Variants in EXOC4 observed in about 807,000 individuals in gnomAD.
EXOC4 encodes SEC8-like 1.
In EXOC4, 71 loss-of-function variants were observed where a neutral mutation model predicts 107.2. The observed-to-expected ratio is 0.66, with a 90% CI of 0.55 to 0.81. The LOEUF (loss-of-function observed/expected upper bound fraction) is 0.81. Ranked by LOEUF, EXOC4 falls within the 30% of genes least tolerant of loss-of-function variation. The pLI, the probability that EXOC4 is intolerant of heterozygous loss-of-function variation, is 0.00. For missense variants in EXOC4, 1,108 were observed against 1,189.6 expected (o/e 0.93, Z 1.01); for synonymous variants, 456 against 441.2 (o/e 1.03, Z -0.42).
At chr7:133,514,590 C>T (rs749372453) in intron 9 of EXOC4, among the ~76,000 whole-genome samples, 2 of 152,140 alleles carry the variant, frequency 1.3e-5, no homozygotes, top group African/African-American at 4.8e-5. Context: ...TAGATAACCC[C>T]TTCAGTATCT....
At chr7:133,857,097 T>C (rs1399041440) in intron 11 of EXOC4, among the ~76,000 whole-genome samples, 1 of 107,974 alleles carries the variant, frequency 9.3e-6, no homozygotes, top group African/African-American at 3.9e-5. Flanking sequence ...ACTCCGTCTT[T>C]ATATATATAT....
intron 9 of EXOC4, 199 bp downstream of exon 9, chr7:133,480,337 A>T (rs1262902517): frequency 2.1e-6 from 3 of 1,396,530 alleles, no homozygotes; most frequent in Non-Finnish European, 2.8e-6. Flanking sequence ...GGACTTGTAG[A>T]CCTGCTACTG....
intron 9 of EXOC4, among the ~76,000 whole-genome samples, chr7:133,562,906 T>C (rs1800836855): frequency 2.0e-5 from 3 of 152,360 alleles, no homozygotes; most frequent in South Asian, 4.1e-4. Flanking sequence ...AATACTATCC[T>C]AATTAATTTT....
chr7:133,360,982 G>A (rs1251211395), intron 6 of EXOC4, among the ~76,000 whole-genome samples: 2 of 152,156 alleles, frequency 1.3e-5, no homozygotes, highest in South Asian at 4.1e-4. Flanking sequence ...TAGAATGGAA[G>A]AGAAGAGAGC....
chr7:133,713,382 A>G (rs1794934601), intron 10 of EXOC4, among the ~76,000 whole-genome samples: 1 of 152,122 alleles, frequency 6.6e-6, no homozygotes, highest in South Asian at 2.1e-4. Context: ...TTTTTTTCAC[A>G]AAGTTACATA....
intron 17 of EXOC4, among the ~76,000 whole-genome samples, chr7:134,044,572 G>A (rs1175826016): frequency 2.6e-5 from 4 of 152,156 alleles, no homozygotes; most frequent in Non-Finnish European, 4.4e-5. Context: ...CTAGAACAGC[G>A]TCAACTCAAC....
chr7:133,347,508 C>T (rs908503108), intron 5 of EXOC4, among the ~76,000 whole-genome samples: 5 of 152,172 alleles, frequency 3.3e-5, no homozygotes, highest in Admixed American at 2.6e-4. Flanking sequence ...TCCCAAAGTG[C>T]TGGGATTACA....
chr7:133,443,340 C>A (rs147940337), intron 7 of EXOC4, among the ~76,000 whole-genome samples: 58 of 152,254 alleles, frequency 3.8e-4, no homozygotes, highest in African/African-American at 1.1e-3. Context: ...ACACACCTGC[C>A]TCTTGGTAAA....
intron 13 of EXOC4, among the ~76,000 whole-genome samples, chr7:133,920,412 T>C (rs1453226563): frequency 6.6e-6 from 1 of 152,254 alleles, no homozygotes; most frequent in Admixed American, 6.5e-5. Context: ...TGTCTTCTCT[T>C]GTTTTAATTA....
intron 11 of EXOC4, among the ~76,000 whole-genome samples, chr7:133,847,686 G>A (rs372516748): frequency 6.7e-6 from 1 of 150,016 alleles, no homozygotes; most frequent in South Asian, 2.1e-4. Flanking sequence ...TGCCCGGCCC[G>A]GTTAGGATTC....
intron 7 of EXOC4, among the ~76,000 whole-genome samples, chr7:133,433,998 T>C (rs929393779): frequency 1.3e-5 from 2 of 152,320 alleles, no homozygotes; most frequent in South Asian, 4.1e-4. Flanking sequence ...GTATCTTTAA[T>C]TATGGAAGGA....
rs1795079245 is a variant in EXOC4 at position 134,023,881 on chromosome 7, AGAT to A, written c.2687+16052_2687+16054del. 3.9e-5 allele frequency among the ~76,000 whole-genome samples: 6 copies of A among 152,300 alleles called. No individual in the cohort carries two copies. The South Asian group carries it at 1.2e-3, about 32-fold the overall frequency. On this transcript the variant is annotated intron_variant, in intron 17 of 17. Coordinates refer to ENST00000253861, the MANE Select transcript of EXOC4 (RefSeq NM_021807.4). ...GGGTAAAACAAAAGAAGACCCAAGA[AGAT>A]GATGAAGGAGGATTTTAGCACAGTC...
At chr7:133,390,210 G>GT (rs1228415764) in intron 7 of EXOC4, among the ~76,000 whole-genome samples, 1 of 152,192 alleles carries the variant, frequency 6.6e-6, no homozygotes, top group African/African-American at 2.4e-5. Context: ...TCAGAAACTC[G>GT]TGAGTGAACT....
intron 14 of EXOC4, among the ~76,000 whole-genome samples, chr7:133,973,330 C>G (rs928270558): frequency 1.3e-5 from 2 of 152,136 alleles, no homozygotes; most frequent in Admixed American, 1.3e-4. Flanking sequence ...GGCACCTGAT[C>G]TGTGTCTTGA....
intron 9 of EXOC4, among the ~76,000 whole-genome samples, chr7:133,523,376 T>A (rs1472111471): frequency 6.6e-6 from 1 of 152,164 alleles, no homozygotes; most frequent in Non-Finnish European, 1.5e-5. Flanking sequence ...CAAAGTATGT[T>A]CACAGGTGTT....
At chr7:134,077,801 G>A in the EXOC4 span, among the ~76,000 whole-genome samples, 1 of 152,236 alleles carries the variant, frequency 6.6e-6, no homozygotes, top group Non-Finnish European at 1.5e-5. Flanking sequence ...TCACTATGGT[G>A]CCCAGGCAGC....
chr7:133,813,559 A>G (rs1317934455), intron 10 of EXOC4, among the ~76,000 whole-genome samples: 2 of 152,176 alleles, frequency 1.3e-5, no homozygotes, highest in Non-Finnish European at 2.9e-5. Context: ...TGGGAGTTAG[A>G]TGAGAACAGA....
chr7:133,395,626 A>G (rs1218113816), intron 7 of EXOC4, among the ~76,000 whole-genome samples: 1 of 152,260 alleles, frequency 6.6e-6, no homozygotes, highest in East Asian at 1.9e-4. Flanking sequence ...TTCTGGAGGA[A>G]GTGAGTTTTA....
chr7:133,612,188 G>A (rs1008270218), intron 9 of EXOC4, among the ~76,000 whole-genome samples: 5 of 152,182 alleles, frequency 3.3e-5, no homozygotes, highest in African/African-American at 9.6e-5. Flanking sequence ...TTTTATGTGA[G>A]TTGTGAGCTT....
Sources: gnomAD v4.1 joint callset for allele counts (sites outside exome capture counted in the v4.1 genomes callset) on GRCh38, gnomAD v4.1.1 for gene constraint, MANE v1.5 for transcripts, NCBI Gene and HGNC (gene_info 2026-07-23, HGNC 2026-07-21) for gene names.